PHLPP2: variants seen among roughly 807,000 people sequenced by gnomAD.
The protein encoded by PHLPP2 is PH domain and leucine rich repeat protein phosphatase 2.
PHLPP2 carries 66 observed loss-of-function variants against 124.9 expected under a neutral mutation model. That is an observed-to-expected ratio of 0.53 (90% CI 0.43 to 0.65). The LOEUF (loss-of-function observed/expected upper bound fraction) is 0.65. Among genes scored for constraint, PHLPP2 ranks in the 30% least tolerant of loss-of-function variants. PHLPP2 has a pLI of 0.00. For missense variants in PHLPP2, 1,685 were observed against 1,600.4 expected (o/e 1.05, Z -0.90); for synonymous variants, 681 against 624.7 (o/e 1.09, Z -1.34).
chr16:71,686,249 T>C (rs1475029705), intron 4 of PHLPP2, among the ~76,000 whole-genome samples: 1 of 152,240 alleles, frequency 6.6e-6, no homozygotes, highest in African/African-American at 2.4e-5. Flanking sequence ...CATGGCTCAA[T>C]GCAGCCTCAA....
chr16:71,663,984 C>A lies in PHLPP2; in HGVS notation c.1900G>T (p.Asp634Tyr). Residue 634 changes from aspartate to tyrosine, a missense_variant, in exon 13 of 19, where the codon GAT becomes TAT. Transcript: ENST00000568954. ...CCTACCAGGACAGGTATGCACTGAT[C>A]CGTCAGGAGATTGTTGGTCAGATAA... ...LLYLTNNLLT[D>Y]QCIPVLVGHL... The A allele has an allele frequency of 6.2e-7, 1 of 1,613,934 alleles. No individual in the cohort carries two copies. Among genetic ancestry groups the A allele is most frequent in the Non-Finnish European group, 8.5e-7 (1 of 1,179,778 alleles).
chr16:71,720,386 G>A (rs1212441808), intron 1 of PHLPP2, among the ~76,000 whole-genome samples: 1 of 152,052 alleles, frequency 6.6e-6, no homozygotes, highest in African/African-American at 2.4e-5. Flanking sequence ...CCAAAGTGTT[G>A]GGATTATAGT....
rs754854499 is a variant in PHLPP2, at chr16:71,667,163, T to A, written c.1784+15A>T. ...AATGATTCTGCTCTTCCGAAAAAAATCCTATGATACTTACTTTAAGGCCTT... is the reference window on the plus strand; with the variant it reads ...AATGATTCTGCTCTTCCGAAAAAAAACCTATGATACTTACTTTAAGGCCTT... On this transcript the variant is annotated intron_variant, in intron 12 of 18. Coordinates refer to ENST00000568954, the MANE Select transcript of PHLPP2 (RefSeq NM_015020.3). 1 of 1,602,316 alleles carries A rather than the reference T, an allele frequency of 6.2e-7. No individual in the cohort carries two copies.
At chr16:71,720,469 C>G (rs1455303775) in intron 1 of PHLPP2, among the ~76,000 whole-genome samples, 1 of 152,082 alleles carries the variant, frequency 6.6e-6, no homozygotes, top group African/African-American at 2.4e-5. Context: ...ATGATCAGTT[C>G]AAAGGTGATA....
chr16:71,687,916 C>T (rs930930862), intron 4 of PHLPP2, among the ~76,000 whole-genome samples: 8 of 152,254 alleles, frequency 5.3e-5, no homozygotes, highest in African/African-American at 1.9e-4. Flanking sequence ...TGAAATTCTT[C>T]AGTACATCAG....
rs375710253 is a variant in PHLPP2, at chr16:71,668,903, T to C, written c.1628+372A>G. Among the ~76,000 whole-genome samples the C allele has an allele frequency of 5.3e-5, 8 of 152,328 alleles. No homozygotes were observed. The South Asian group carries it at 1.2e-3, about 24-fold the overall frequency. ...ATAACAGCACCTATTAAATATATGA[T>C]AAGGTTTTTAAAGGATTAGGTAAGA... On this transcript the variant is annotated intron_variant, in intron 11 of 18. Coordinates refer to ENST00000568954, the MANE Select transcript of PHLPP2 (RefSeq NM_015020.3).
chr16:71,673,079 T>C (rs1269839423), intron 9 of PHLPP2, among the ~76,000 whole-genome samples: 1 of 152,176 alleles, frequency 6.6e-6, no homozygotes, highest in East Asian at 1.9e-4. Flanking sequence ...TTTATGTGAA[T>C]ATACCACAAT....
Position 71,714,531 on chromosome 16 carries a change from G to C in PHLPP2, c.265C>G (p.Leu89Val), listed in dbSNP as rs762340387. The change falls in exon 2 of 19, where the codon CTT (leucine) becomes GTT (valine). Residue 89 changes from leucine to valine, a missense_variant. Physicochemically the swap from Leu to Val is conservative, Grantham distance 32. Coordinates refer to ENST00000568954, the MANE Select transcript of PHLPP2 (RefSeq NM_015020.3). ...CCTCACCTGACCAGGTCTCCATGAAGCTGTAAATAAAGACTTTCTCTTCCC... is the reference window on the plus strand; with the variant it reads ...CCTCACCTGACCAGGTCTCCATGAACCTGTAAATAAAGACTTTCTCTTCCC... ...GEGRESLYLQ[L>V]HGDLVRRLEP... 3 of 1,611,308 alleles carry C rather than the reference G, an allele frequency of 1.9e-6. No homozygotes were observed. The highest frequency in any genetic ancestry group is 3.3e-5 in the Admixed American group (2 of 59,888).
intron 2 of PHLPP2, among the ~76,000 whole-genome samples, chr16:71,702,970 T>A (rs2045245926): frequency 6.6e-6 from 1 of 152,116 alleles, no homozygotes; most frequent in African/African-American, 2.4e-5. Flanking sequence ...ACCCTTCTGC[T>A]TTTCCAATGT....
intron 15 of PHLPP2, among the ~76,000 whole-genome samples, chr16:71,657,841 A>G (rs556367014): frequency 4.6e-5 from 7 of 152,344 alleles, no homozygotes; most frequent in South Asian, 2.1e-4. Flanking sequence ...AGGAGTTTCA[A>G]TAAAAAACTA....
At chr16:71,703,637 C>G (rs1011100186) in intron 2 of PHLPP2, among the ~76,000 whole-genome samples, 1 of 152,170 alleles carries the variant, frequency 6.6e-6, no homozygotes, top group African/African-American at 2.4e-5. Flanking sequence ...CGTATAGGCT[C>G]CAACAGTCAA....
At chr16:71,669,523 T>G (rs1433341924) in intron 10 of PHLPP2, among the ~76,000 whole-genome samples, 153 bp from the exon 11 acceptor site, 1 of 152,204 alleles carries the variant, frequency 6.6e-6, no homozygotes, top group Admixed American at 6.5e-5. Flanking sequence ...TGGAATATAG[T>G]AGGTGCTCAT....
At chr16:71,715,115 G>A (rs1231291671) in intron 1 of PHLPP2, 3 of 313,300 alleles carry the variant, frequency 9.6e-6, no homozygotes, top group East Asian at 7.8e-5. Context: ...ACTTTGGGGG[G>A]CCAAGGTAAG....
intron 8 of PHLPP2, 192 bp from the exon 9 acceptor site, chr16:71,676,841 C>A (rs2044951044): frequency 3.7e-6 from 2 of 547,700 alleles, no homozygotes; most frequent in Non-Finnish European, 6.5e-6. Context: ...CTCTGCCTCC[C>A]AGGTTAAAGC....
intron 1 of PHLPP2, chr16:71,723,788 C>A: frequency 7.6e-7 from 1 of 1,318,824 alleles, no homozygotes. Flanking sequence ...CCGGATCCCT[C>A]CCGGCCGGCG....
intron 13 of PHLPP2, among the ~76,000 whole-genome samples, chr16:71,660,768 G>A (rs1399339308): frequency 6.6e-6 from 1 of 152,014 alleles, no homozygotes; most frequent in Non-Finnish European, 1.5e-5. Flanking sequence ...TCCAAATCTC[G>A]TGCTTTTTTC....
chr16:71,672,433 T>A, intron 9 of PHLPP2, 111 bp from the exon 10 acceptor site: 1 of 764,092 alleles, frequency 1.3e-6, no homozygotes, highest in South Asian at 1.5e-5. Context: ...ACTGATGTAT[T>A]CTACCAAGAT....
intron 18 of PHLPP2, among the ~76,000 whole-genome samples, chr16:71,652,406 C>G (rs1387601804): frequency 2.0e-5 from 3 of 152,150 alleles, no homozygotes; most frequent in Non-Finnish European, 4.4e-5. Flanking sequence ...AGAGTATAAA[C>G]ACAAAACATT....
At chr16:71,656,948 T>A (rs1332409798) in intron 15 of PHLPP2, among the ~76,000 whole-genome samples, 1 of 151,746 alleles carries the variant, frequency 6.6e-6, no homozygotes, top group African/African-American at 2.4e-5. Context: ...TTCTATTTTA[T>A]TTATTTATTT....
Sources: allele counts gnomAD v4.1 joint callset (sites outside exome capture counted in the v4.1 genomes callset), GRCh38; gene constraint gnomAD v4.1.1; transcripts MANE v1.5; gene names NCBI Gene and HGNC (gene_info 2026-07-23, HGNC 2026-07-21).